Variants in ANK2 observed in about 807,000 individuals in gnomAD.
ANK2 encodes the protein ankyrin-2.
ANK2 carries 83 observed loss-of-function variants against 360.5 expected under a neutral mutation model. That is an observed-to-expected ratio of 0.23 (90% CI 0.19 to 0.28). The LOEUF is 0.28. Among genes scored for constraint, ANK2 ranks in the 10% least tolerant of loss-of-function variants. The probability of loss-of-function intolerance (pLI) is 1.00; values close to 1 mark genes in which losing one functional copy is unlikely to be tolerated. For missense variants in ANK2, 4,201 were observed against 4,795.7 expected, an observed-to-expected ratio of 0.88 and a Z score of 3.66; for synonymous variants, 1,740 against 1,759.5, an observed-to-expected ratio of 0.99 and a Z score of 0.28.
intron 9 of ANK2, among the ~76,000 whole-genome samples, chr4:113,246,274 T>C (rs926647243): frequency 1.2e-4 from 19 of 152,204 alleles, no homozygotes; most frequent in African/African-American, 4.3e-4. Flanking sequence ...ATCTAGAGAA[T>C]AGCAAGATCT....
chr4:112,901,416 G>A (rs894370691), intron 1 of ANK2, among the ~76,000 whole-genome samples: 2 of 152,180 alleles, frequency 1.3e-5, no homozygotes, highest in Non-Finnish European at 2.9e-5. Flanking sequence ...TAAAATTAGT[G>A]AGTCTTCATC....
At chr4:113,261,439 C>T (rs17445731) in intron 13 of ANK2, among the ~76,000 whole-genome samples, 4,107 of 152,136 alleles carry the variant, frequency 0.027, 92 homozygotes, top group Non-Finnish European at 0.042. Context: ...AAAATTTCCC[C>T]GAATCCTTAA....
intron 2 of ANK2, among the ~76,000 whole-genome samples, chr4:112,975,695 A>C (rs762378385): frequency 4.6e-5 from 7 of 152,190 alleles, no homozygotes; most frequent in Non-Finnish European, 1.0e-4. Context: ...GCAGTCCTCC[A>C]TTCCTTTCTT....
intron 39 of ANK2, 125 bp downstream of exon 39, chr4:113,361,022 T>G: frequency 2.3e-6 from 2 of 870,790 alleles, no homozygotes; most frequent in East Asian, 2.7e-5. Flanking sequence ...AAGAATAAAC[T>G]AAGAACTAGA....
At chr4:113,164,659 A>G (rs1041860764) in intron 1 of ANK2, among the ~76,000 whole-genome samples, 6 of 152,188 alleles carry the variant, frequency 3.9e-5, no homozygotes, top group African/African-American at 7.2e-5. Context: ...ACACTATAAG[A>G]TGCGGATGCG....
intron 1 of ANK2, among the ~76,000 whole-genome samples, chr4:112,818,971 A>G (rs1415597519): frequency 1.3e-5 from 2 of 152,066 alleles, no homozygotes; most frequent in African/African-American, 4.8e-5. Flanking sequence ...CAGATTTCTG[A>G]GCAGTGTTTT....
intron 22 of ANK2, among the ~76,000 whole-genome samples, chr4:113,295,009 A>G (rs565445684): frequency 2.6e-5 from 4 of 152,216 alleles, no homozygotes; most frequent in African/African-American, 7.2e-5. Context: ...CTGTTCTGCC[A>G]TTAGAAGTCA....
chr4:113,097,847 T>C (rs1223161594), intron 1 of ANK2, among the ~76,000 whole-genome samples: 30 of 72,310 alleles, frequency 4.1e-4, no homozygotes. Flanking sequence ...TATATGTGTG[T>C]GTGTGTGTGT....
At chr4:112,855,404 G>T (rs150237239) in intron 1 of ANK2, among the ~76,000 whole-genome samples, 18 of 152,276 alleles carry the variant, frequency 1.2e-4, no homozygotes, top group African/African-American at 4.1e-4. Flanking sequence ...CTAATCTATA[G>T]CTATTGATTA....
chr4:113,097,860 G>GTA, intron 1 of ANK2, among the ~76,000 whole-genome samples: 1 of 54,306 alleles, frequency 1.8e-5, no homozygotes, highest in Non-Finnish European at 3.3e-5. Flanking sequence ...GTGTGTGTGT[G>GTA]TGTGTGTATA....
chr4:112,852,844 G>A (rs1298811769), intron 1 of ANK2, among the ~76,000 whole-genome samples: 1 of 152,220 alleles, frequency 6.6e-6, no homozygotes, highest in East Asian at 1.9e-4. Context: ...AAGAAATGAA[G>A]CAGGAATTTG....
chr4:113,193,220 C>A (rs191503328), intron 2 of ANK2, among the ~76,000 whole-genome samples: 1 of 152,114 alleles, frequency 6.6e-6, no homozygotes, highest in African/African-American at 2.4e-5. Context: ...TAAAAGAAAC[C>A]CTTGAAGATC....
intron 15 of ANK2, 125 bp downstream of exon 15, chr4:113,274,774 A>C: frequency 2.0e-6 from 2 of 977,976 alleles, no homozygotes; most frequent in South Asian, 2.8e-5. Flanking sequence ...CCTTCTCTAC[A>C]TATTTAAGAC....
rs1334864660 is a variant in ANK2 at position 113,358,441 on chromosome 4, G to T, written c.9823G>T (p.Asp3275Tyr). Residue 3275 changes from aspartate to tyrosine, a missense_variant, in exon 38 of 46, where the codon GAT becomes TAT. By Grantham distance (160) the Asp-to-Tyr change is radical (BLOSUM62 -3). Coordinates refer to ENST00000357077, the MANE Select transcript of ANK2 (RefSeq NM_001148.6). ...TTCAGATAGGGGTGATGATTCTCCCGATTCTTCCCCAGAAGAACAGAAATC... is the reference window on the plus strand; with the variant it reads ...TTCAGATAGGGGTGATGATTCTCCCTATTCTTCCCCAGAAGAACAGAAATC... The part of the protein sequence containing the change: ...VYSDRGDDSP[D>Y]SSPEEQKSVI... The T allele has an allele frequency of 1.2e-6, 2 of 1,614,032 alleles. No individual in the cohort carries two copies. Among genetic ancestry groups the T allele is most frequent in the Middle Eastern group, 1.6e-4 (1 of 6,062 alleles).
At chr4:112,874,151 G>A (rs1481054350) in intron 1 of ANK2, among the ~76,000 whole-genome samples, 1 of 141,796 alleles carries the variant, frequency 7.1e-6, no homozygotes, top group Admixed American at 7.4e-5. Context: ...GCGCCATCTC[G>A]GCTCACTGCA....
intron 2 of ANK2, among the ~76,000 whole-genome samples, chr4:113,178,403 C>G (rs1213685462): frequency 1.3e-5 from 2 of 151,958 alleles, no homozygotes; most frequent in African/African-American, 4.8e-5. Flanking sequence ...AACCCCGTCT[C>G]TACTAAAGAT....
intron 5 of ANK2, among the ~76,000 whole-genome samples, chr4:113,233,195 C>A (rs1288983787): frequency 8.3e-6 from 1 of 121,198 alleles, no homozygotes; most frequent in Non-Finnish European, 1.6e-5. Context: ...AGTGCAGTGG[C>A]GGGATCTCGG....
chr4:113,014,608 G>A (rs1215991330), intron 2 of ANK2, among the ~76,000 whole-genome samples: 1 of 152,132 alleles, frequency 6.6e-6, no homozygotes, highest in East Asian at 1.9e-4. Context: ...CACGGCCTAT[G>A]ATTTCATCCA....
chr4:112,764,844 A>AG, the ANK2 span, among the ~76,000 whole-genome samples: 1 of 150,916 alleles, frequency 6.6e-6, no homozygotes, highest in Non-Finnish European at 1.5e-5. Flanking sequence ...AGTAGCTGGG[A>AG]TTACAGGCAT....
Sources: allele counts gnomAD v4.1 joint callset (sites outside exome capture counted in the v4.1 genomes callset), GRCh38; gene constraint gnomAD v4.1.1; transcripts MANE v1.5; gene names NCBI Gene and HGNC (gene_info 2026-07-23, HGNC 2026-07-21).